CSNK1G3: variants seen among roughly 807,000 people sequenced by gnomAD.
CSNK1G3 encodes casein kinase I isoform gamma-3.
Under a neutral mutation model 64.3 loss-of-function variants are expected in CSNK1G3, and 23 were observed. The observed-to-expected ratio is 0.36, with a 90% confidence interval of 0.26 to 0.51. The LOEUF is 0.51. Ranked by LOEUF, CSNK1G3 falls within the 20% of genes least tolerant of loss-of-function variation. CSNK1G3 has a pLI of 0.96. For missense variants in CSNK1G3, 357 were observed against 510.5 expected (o/e 0.70, Z 2.90); for synonymous variants, 158 against 162.2 (o/e 0.97, Z 0.20).
chr5:123,557,429 A>AT (rs1784854044), intron 3 of CSNK1G3, 66 bp from the exon 4 acceptor site: 2 of 1,218,138 alleles, frequency 1.6e-6, no homozygotes, highest in South Asian at 2.6e-5. Flanking sequence ...AATTTATAAC[A>AT]TTTGTGTTGG....
intron 1 of CSNK1G3, among the ~76,000 whole-genome samples, chr5:123,522,297 A>T (rs887272454): frequency 9.2e-5 from 14 of 151,944 alleles, no homozygotes; most frequent in African/African-American, 3.4e-4. Flanking sequence ...AGGTCAGGAG[A>T]TTGAGACCGT....
exon 13 of CSNK1G3, chr5:123,614,541 G>T: frequency 6.6e-6 from 4 of 608,184 alleles, no homozygotes; most frequent in South Asian, 3.4e-5. Context: ...TCATTTTGTG[G>T]TTGTCTTACA....
At chr5:123,532,313 T>A (rs892232157) in intron 1 of CSNK1G3, among the ~76,000 whole-genome samples, 1 of 151,944 alleles carries the variant, frequency 6.6e-6, no homozygotes, top group African/African-American at 2.4e-5. Flanking sequence ...CTGATTTTTT[T>A]ATGTAAATCT....
At chr5:123,550,859 A>C (rs1470441753) in intron 2 of CSNK1G3, among the ~76,000 whole-genome samples, 1 of 152,178 alleles carries the variant, frequency 6.6e-6, no homozygotes, top group Non-Finnish European at 1.5e-5. Flanking sequence ...GGCTGTGGCT[A>C]TGCTAGGTGA....
chr5:123,579,595 A>G (rs1789862083), intron 6 of CSNK1G3, among the ~76,000 whole-genome samples: 1 of 151,912 alleles, frequency 6.6e-6, no homozygotes, highest in African/African-American at 2.4e-5. Flanking sequence ...TGAAGTCACA[A>G]CTTCCTTAGG....
chr5:123,564,713 A>C (rs867942675), intron 4 of CSNK1G3, among the ~76,000 whole-genome samples: 2 of 152,174 alleles, frequency 1.3e-5, no homozygotes, highest in Non-Finnish European at 2.9e-5. Flanking sequence ...TTAAATCATC[A>C]CAGAAAGGAC....
chr5:123,597,404 A>G (rs1448148965), intron 10 of CSNK1G3, among the ~76,000 whole-genome samples: 3 of 152,136 alleles, frequency 2.0e-5, no homozygotes, highest in Non-Finnish European at 2.9e-5. Context: ...AATGTGACGC[A>G]GGTTTAGGAT....
At chr5:123,608,925 A>G (rs1795831531) in intron 12 of CSNK1G3, among the ~76,000 whole-genome samples, 1 of 152,168 alleles carries the variant, frequency 6.6e-6, no homozygotes, top group Non-Finnish European at 1.5e-5. Flanking sequence ...AGTTCAGAAA[A>G]TGGAGTATGT....
chr5:123,525,821 GTCTCTACTAAAAAA>G (rs1778953923), intron 1 of CSNK1G3, among the ~76,000 whole-genome samples: 1 of 151,364 alleles, frequency 6.6e-6, no homozygotes, highest in African/African-American at 2.4e-5. Context: ...GTGAAACCCC[GTCTCTACTAAAAAA>G]ACAAACAAAA....
chr5:123,548,598 G>A (rs960390596), intron 2 of CSNK1G3, among the ~76,000 whole-genome samples: 3 of 151,104 alleles, frequency 2.0e-5, no homozygotes, highest in Non-Finnish European at 2.9e-5. Flanking sequence ...TCTGTTTTTC[G>A]TTTAGAATGA....
intron 12 of CSNK1G3, among the ~76,000 whole-genome samples, chr5:123,606,884 AT>A (rs1258491412): frequency 2.6e-5 from 4 of 152,182 alleles, no homozygotes; most frequent in Non-Finnish European, 1.5e-5. Context: ...CAGCAGGAAG[AT>A]TGCAGTTGTA....
chr5:123,519,741 G>T (rs922552782), intron 1 of CSNK1G3, among the ~76,000 whole-genome samples: 1 of 152,148 alleles, frequency 6.6e-6, no homozygotes, highest in African/African-American at 2.4e-5. Context: ...AGGGGTTGGG[G>T]AGGAAGGGAA....
intron 12 of CSNK1G3, among the ~76,000 whole-genome samples, chr5:123,609,682 A>G (rs1278702266): frequency 1.3e-5 from 2 of 152,208 alleles, no homozygotes; most frequent in African/African-American, 2.4e-5. Context: ...TACTGAGGTA[A>G]GAAATCCCAC....
chr5:123,601,886 A>G (rs1794563704), intron 10 of CSNK1G3, among the ~76,000 whole-genome samples: 1 of 152,216 alleles, frequency 6.6e-6, no homozygotes, highest in East Asian at 1.9e-4. Context: ...GGATACAGGC[A>G]CTCTGTTCAA....
intron 1 of CSNK1G3, among the ~76,000 whole-genome samples, chr5:123,532,821 G>A (rs116011466): frequency 0.012 from 1,779 of 151,918 alleles, 21 homozygotes; most frequent in Non-Finnish European, 0.017. Flanking sequence ...ATTAATGCCC[G>A]TATGTGGAAA....
intron 12 of CSNK1G3, among the ~76,000 whole-genome samples, chr5:123,613,434 C>T (rs13167183): frequency 0.42 from 61,749 of 146,998 alleles, 13,093 homozygotes; most frequent in East Asian, 0.67. Context: ...TGTGTGTGTG[C>T]GTATGTATGT....
At chr5:123,591,904 C>G (rs969067997) in intron 10 of CSNK1G3, among the ~76,000 whole-genome samples, 1 of 151,956 alleles carries the variant, frequency 6.6e-6, no homozygotes, top group Non-Finnish European at 1.5e-5. Flanking sequence ...ATGGCTTGAC[C>G]CTGGGCAAAT....
chr5:123,605,499 A>G (rs1795210569), intron 12 of CSNK1G3, 137 bp downstream of exon 13: 10 of 968,774 alleles, frequency 1.0e-5, no homozygotes, highest in Non-Finnish European at 1.5e-5. Context: ...AAAGTATTTG[A>G]TATCATTAAG....
intron 1 of CSNK1G3, among the ~76,000 whole-genome samples, chr5:123,539,155 G>A (rs1474612868): frequency 1.3e-5 from 2 of 152,076 alleles, no homozygotes; most frequent in African/African-American, 4.8e-5. Context: ...TTTGTCAAAC[G>A]TAATCTCTTG....
Sources: gnomAD v4.1 joint callset for allele counts (sites outside exome capture counted in the v4.1 genomes callset) on GRCh38, gnomAD v4.1.1 for gene constraint, MANE v1.5 for transcripts, NCBI Gene and HGNC (gene_info 2026-07-23, HGNC 2026-07-21) for gene names.